The following SGCG variants were observed in gnomAD, a reference collection of about 807,000 sequenced individuals.
SGCG encodes gamma-sarcoglycan.
In SGCG, 26 loss-of-function variants were observed where a neutral mutation model predicts 29.3. The ratio of observed to expected loss-of-function variants is 0.89; its 90% confidence interval spans 0.65 to 1.23. SGCG has a LOEUF of 1.23. Among genes scored for constraint, SGCG ranks in the 50% most tolerant of loss-of-function variants. The pLI, the probability that SGCG is intolerant of heterozygous loss-of-function variation, is 0.00. For synonymous variants in SGCG, 145 were observed against 129.7 expected (o/e 1.12, Z -0.80); for missense variants, 353 against 356.0 (o/e 0.99, Z 0.07).
At chr13:23,226,206 T>C (rs1461303184) in intron 2 of SGCG, among the ~76,000 whole-genome samples, 2 of 152,170 alleles carry the variant, frequency 1.3e-5, no homozygotes. Context: ...AAAAAGATCG[T>C]CTATTATGCT....
intron 3 of SGCG, among the ~76,000 whole-genome samples, chr13:23,247,639 A>G (rs1879766374): frequency 6.6e-6 from 1 of 152,110 alleles, no homozygotes; most frequent in South Asian, 2.1e-4. Context: ...ATATTATAGG[A>G]ATTCTATTTA....
intron 4 of SGCG, among the ~76,000 whole-genome samples, chr13:23,254,045 A>G (rs960864968): frequency 6.6e-6 from 1 of 152,200 alleles, no homozygotes; most frequent in Non-Finnish European, 1.5e-5. Flanking sequence ...TTATTTCTTT[A>G]TAGCAGTGTA....
intron 2 of SGCG, among the ~76,000 whole-genome samples, chr13:23,229,315 G>A (rs935486758): frequency 3.3e-5 from 5 of 152,206 alleles, no homozygotes; most frequent in African/African-American, 1.2e-4. Context: ...TATATATCCA[G>A]TAATGGGAGG....
At chr13:23,241,633 G>C (rs1879519659) in intron 3 of SGCG, among the ~76,000 whole-genome samples, 1 of 152,096 alleles carries the variant, frequency 6.6e-6, no homozygotes, top group African/African-American at 2.4e-5. Context: ...GACCAGCATA[G>C]CCATGATATC....
At chr13:23,209,066 A>G (rs1183832407) in intron 2 of SGCG, among the ~76,000 whole-genome samples, 3 of 152,142 alleles carry the variant, frequency 2.0e-5, no homozygotes, top group Non-Finnish European at 4.4e-5. Context: ...TAAGCTAACT[A>G]TATTAACTCT....
Position 23,278,683 on chromosome 13 carries a change from G to A in SGCG, c.386-676G>A, listed in dbSNP as rs1216441913. ...CACATGTCTGGATGGCACAGGGTGA[G>A]TGAGCACCCACAAAACACCTGCTGA... On this transcript the variant is annotated intron_variant, in intron 4 of 7. Coordinates refer to ENST00000218867, the MANE Select transcript of SGCG (RefSeq NM_000231.3). Among the ~76,000 whole-genome samples the A allele has an allele frequency of 1.3e-5, 2 of 152,176 alleles. 1 individual carries two copies. The highest frequency in any genetic ancestry group is 4.1e-4 in the South Asian group (2 of 4,832).
At chr13:23,293,795 C>T (rs1323045577) in intron 5 of SGCG, among the ~76,000 whole-genome samples, 1 of 150,528 alleles carries the variant, frequency 6.6e-6, no homozygotes, top group Non-Finnish European at 1.5e-5. Context: ...CTTGCCACTG[C>T]CCTTCAGCCT....
At chr13:23,274,395 C>CTTTTTTTTTTT (rs869153381) in intron 4 of SGCG, among the ~76,000 whole-genome samples, 9 of 85,252 alleles carry the variant, frequency 1.1e-4, no homozygotes, top group Non-Finnish European at 1.3e-4. Flanking sequence ...CTTTCTTTCT[C>CTTTTTTTTTTT]TTTTTTTTTT....
intron 5 of SGCG, among the ~76,000 whole-genome samples, chr13:23,284,234 A>C (rs1881413977): frequency 6.6e-6 from 1 of 152,192 alleles, no homozygotes; most frequent in African/African-American, 2.4e-5. Context: ...CATCACTTTC[A>C]GGTACACCAA....
intron 6 of SGCG, among the ~76,000 whole-genome samples, chr13:23,304,045 G>T (rs486335): frequency 6.6e-6 from 1 of 151,918 alleles, no homozygotes; most frequent in Admixed American, 6.6e-5. Flanking sequence ...GGCCATTTTT[G>T]TATTCCTTTC....
At chr13:23,271,280 C>T (rs1389164776) in intron 4 of SGCG, among the ~76,000 whole-genome samples, 1 of 152,124 alleles carries the variant, frequency 6.6e-6, no homozygotes. Flanking sequence ...ATTTCCATGT[C>T]TATCAGAGTC....
intron 2 of SGCG, among the ~76,000 whole-genome samples, chr13:23,231,504 G>C (rs924081533): frequency 6.6e-6 from 1 of 152,042 alleles, no homozygotes; most frequent in African/African-American, 2.4e-5. Flanking sequence ...ATAACAAATA[G>C]AGTCCAGAAA....
intron 1 of SGCG, among the ~76,000 whole-genome samples, chr13:23,201,277 A>G (rs1877743922): frequency 6.6e-6 from 1 of 152,300 alleles, no homozygotes; most frequent in Non-Finnish European, 1.5e-5. Flanking sequence ...GTAAGGGTGA[A>G]CAAAAGCATT....
chr13:23,172,861 A>G, the SGCG span, among the ~76,000 whole-genome samples: 1 of 152,236 alleles, frequency 6.6e-6, no homozygotes, highest in African/African-American at 2.4e-5. Flanking sequence ...TCCTGCAAGA[A>G]AGGAGGAAGT....
At chr13:23,321,943 C>T (rs1883057430) in intron 7 of SGCG, among the ~76,000 whole-genome samples, 1 of 151,858 alleles carries the variant, frequency 6.6e-6, no homozygotes, top group South Asian at 2.1e-4. Flanking sequence ...TTCGGTCAAC[C>T]AGAAAATCAG....
intron 1 of SGCG, among the ~76,000 whole-genome samples, chr13:23,188,566 G>A (rs191865554): frequency 6.7e-6 from 1 of 148,400 alleles, no homozygotes; most frequent in Non-Finnish European, 1.5e-5. Flanking sequence ...CAATCCGCCT[G>A]CCTCTGCCTC....
intron 5 of SGCG, among the ~76,000 whole-genome samples, chr13:23,288,415 A>G (rs147205181): frequency 1.2e-4 from 19 of 152,268 alleles, no homozygotes; most frequent in African/African-American, 4.1e-4. Context: ...TCCTGACTCA[A>G]ATTGCCATTC....
In SGCG at chr13:23,182,939, G is replaced by A. The variant is rs193260093; in HGVS notation, c.-1+1864G>A. ...AGAATGGATTAAGGGCAGTGGAGGC[G>A]GCAGTGAAGAGTACCTTAAAACCTA... On this transcript the variant is annotated intron_variant, in intron 1 of 7. Transcript: ENST00000218867. Among the ~76,000 whole-genome samples, 549 of 152,280 alleles carry A rather than the reference G, an allele frequency of 3.6e-3. 1 individual carries two copies. The highest frequency in any genetic ancestry group is 5.5e-3 in the Admixed American group (84 of 15,310).
intron 1 of SGCG, among the ~76,000 whole-genome samples, chr13:23,193,486 T>C (rs1877363097): frequency 1.3e-5 from 2 of 151,760 alleles, no homozygotes; most frequent in African/African-American, 4.8e-5. Context: ...GTCCTCAGGA[T>C]GTGGCAGGCA....
Sources: allele counts gnomAD v4.1 joint callset (sites outside exome capture counted in the v4.1 genomes callset), GRCh38; gene constraint gnomAD v4.1.1; transcripts MANE v1.5; gene names NCBI Gene and HGNC (gene_info 2026-07-23, HGNC 2026-07-21).